Variants in TUBB8B observed in about 807,000 individuals in gnomAD.
The protein encoded by TUBB8B is HSA18p11 beta-tubulin 4Q pseudogene.
A neutral mutation model predicts 31.9 loss-of-function variants in TUBB8B; 26 were observed. That is an observed-to-expected ratio of 0.81 (90% confidence interval 0.60 to 1.13). The LOEUF (loss-of-function observed/expected upper bound fraction) is 1.13, where lower values mean the gene tolerates loss of function less well. Ranked by LOEUF, TUBB8B falls within the 50% of genes most tolerant of loss-of-function variation. The pLI is 0.00. For missense variants in TUBB8B, 467 were observed against 586.7 expected (o/e 0.80, Z 2.11); for synonymous variants, 173 against 231.0 (o/e 0.75, Z 2.28).
chr18:55,678 C>T, the TUBB8B span, among the ~76,000 whole-genome samples: 3 of 151,792 alleles, frequency 2.0e-5, no homozygotes, highest in Admixed American at 6.6e-5. Flanking sequence ...CTGGGGATTA[C>T]AATTCAATAT....
At chr18:54,875 G>C in the TUBB8B span, among the ~76,000 whole-genome samples, 1 of 151,958 alleles carries the variant, frequency 6.6e-6, no homozygotes, top group Non-Finnish European at 1.5e-5. Flanking sequence ...GAGGTGAAAT[G>C]ATATCTCATT....
At chr18:69,446 A>C in the TUBB8B span, among the ~76,000 whole-genome samples, 1 of 152,250 alleles carries the variant, frequency 6.6e-6, no homozygotes, top group African/African-American at 2.4e-5. Context: ...CAATCGGGCC[A>C]GACCTTAGAA....
chr18:72,177 CAAAAA>C, the TUBB8B span, among the ~76,000 whole-genome samples: 9 of 78,764 alleles, frequency 1.1e-4, no homozygotes, highest in East Asian at 3.9e-3. Flanking sequence ...GACTCCATCT[CAAAAA>C]AAAAAAAAAA....
chr18:65,510 T>C, the TUBB8B span, among the ~76,000 whole-genome samples: 7 of 152,138 alleles, frequency 4.6e-5, no homozygotes, highest in Non-Finnish European at 8.8e-5. Context: ...GGAAGTACTT[T>C]AAACAAAGTC....
chr18:56,349 C>T, the TUBB8B span, among the ~76,000 whole-genome samples: 1 of 151,420 alleles, frequency 6.6e-6, no homozygotes, highest in Non-Finnish European at 1.5e-5. Flanking sequence ...TTTTCTATTT[C>T]TGTGAGGAAT....
At chr18:68,856 G>C in the TUBB8B span, among the ~76,000 whole-genome samples, 34 of 152,174 alleles carry the variant, frequency 2.2e-4, no homozygotes, top group Middle Eastern at 3.4e-3. Flanking sequence ...TCTCTCTTAC[G>C]GGACACAGCA....
chr18:64,273 C>T, the TUBB8B span, among the ~76,000 whole-genome samples: 2 of 152,186 alleles, frequency 1.3e-5, no homozygotes, highest in Non-Finnish European at 2.9e-5. Context: ...CTCACACATA[C>T]ACATCAACAC....
the TUBB8B span, among the ~76,000 whole-genome samples, chr18:65,200 C>T: frequency 6.6e-6 from 1 of 151,970 alleles, no homozygotes; most frequent in African/African-American, 2.4e-5. Context: ...ACTCAGGTGG[C>T]TGAGGCAGGA....
the TUBB8B span, among the ~76,000 whole-genome samples, chr18:68,408 C>T: frequency 0.044 from 5,050 of 113,666 alleles, no homozygotes; most frequent in African/African-American, 0.1. Flanking sequence ...CACTGCCTGC[C>T]CCAACTGGGA....
Position 49,293 on chromosome 18 carries a change from G to A in TUBB8B, c.58-56C>T. The A allele has an allele frequency of 2.0e-6, 3 of 1,480,188 alleles. No homozygotes were observed. In the East Asian group the frequency reaches 7.5e-5, roughly 37 times the overall value. The allele number at this position is 1,480,188 out of a possible 1,614,324, so 91.7% of individuals were successfully genotyped here. Reference sequence around the variant, plus strand: ...GGGGCTGAGTCACGGAGGCGCCCCAGCCGCTCTCCCACCCCCACCCGCACC... The same window carrying A: ...GGGGCTGAGTCACGGAGGCGCCCCAACCGCTCTCCCACCCCCACCCGCACC... On this transcript the variant is annotated intron_variant, in intron 1 of 3. Transcript: ENST00000308911.
At chr18:55,052 A>G in the TUBB8B span, among the ~76,000 whole-genome samples, 1 of 151,902 alleles carries the variant, frequency 6.6e-6, no homozygotes, top group Non-Finnish European at 1.5e-5. Context: ...AATATATTGT[A>G]GTGTATTAGT....
the TUBB8B span, among the ~76,000 whole-genome samples, chr18:70,235 A>G: frequency 3.3e-5 from 5 of 152,248 alleles, no homozygotes; most frequent in African/African-American, 1.2e-4. Flanking sequence ...GTGATTTCCT[A>G]GTAAAAATAC....
At chr18:52,293 A>G (rs1316074709), upstream of TUBB8B, among the ~76,000 whole-genome samples, 8 of 151,700 alleles carry the variant, frequency 5.3e-5, no homozygotes, top group Admixed American at 1.3e-4. Flanking sequence ...TGCAAAACGG[A>G]GGCGGTGGGC....
intron 1 of TUBB8B, 37 bp from the exon 2 acceptor site, chr18:49,274 G>T (rs1389973266): frequency 5.9e-6 from 9 of 1,515,386 alleles, no homozygotes; most frequent in African/African-American, 1.4e-5. Context: ...GGCCGGGGCT[G>T]AGTCACGGAG....
chr18:53,912 A>G (rs1172789028), upstream of TUBB8B, among the ~76,000 whole-genome samples: 1 of 151,780 alleles, frequency 6.6e-6, no homozygotes, highest in African/African-American at 2.4e-5. Context: ...TGGAAACCAA[A>G]TCAAATTTAA....
At chr18:53,702 C>G (rs1364031929), upstream of TUBB8B, among the ~76,000 whole-genome samples, 1 of 151,872 alleles carries the variant, frequency 6.6e-6, no homozygotes, top group African/African-American at 2.4e-5. Context: ...CCCCTGACAA[C>G]AAGTGATCTG....
chr18:48,832 T>A, intron 3 of TUBB8B, 108 bp downstream of exon 3: 1 of 823,010 alleles, frequency 1.2e-6, no homozygotes, highest in Non-Finnish European at 2.1e-6. Context: ...GATAGGAGGG[T>A]GTTCAGGGGC....
the TUBB8B span, chr18:73,312 C>T: frequency 6.0e-6 from 1 of 165,818 alleles, no homozygotes; most frequent in South Asian, 2.1e-4. Flanking sequence ...TTTTCCTCAC[C>T]TTCGCCTCGG....
At chr18:56,296 C>T in the TUBB8B span, among the ~76,000 whole-genome samples, 6 of 151,672 alleles carry the variant, frequency 4.0e-5, no homozygotes, top group South Asian at 2.1e-4. Context: ...CTCAGAATAG[C>T]TTTGACTATT....
Sources: gnomAD v4.1 joint callset for allele counts (sites outside exome capture counted in the v4.1 genomes callset) on GRCh38, gnomAD v4.1.1 for gene constraint, MANE v1.5 for transcripts, NCBI Gene and HGNC (gene_info 2026-07-23, HGNC 2026-07-21) for gene names.